TCF7L2: variants seen among roughly 807,000 people sequenced by gnomAD.
The protein encoded by TCF7L2 is transcription factor 7 like 2, also known as transcription factor 7-like 2.
Under a neutral mutation model 77.9 loss-of-function variants are expected in TCF7L2, and 23 were observed. The ratio of observed to expected loss-of-function variants is 0.30; its 90% CI spans 0.21 to 0.42. The LOEUF is 0.42. Ranked by LOEUF, TCF7L2 falls within the 10% of genes least tolerant of loss-of-function variation. The pLI, the probability that TCF7L2 is intolerant of heterozygous loss-of-function variation, is 1.00. For synonymous variants in TCF7L2, 413 were observed against 340.2 expected (o/e 1.21, Z -2.36); for missense variants, 654 against 793.1 (o/e 0.82, Z 2.11).
At chr10:113,080,789 C>T (rs373347389) in intron 5 of TCF7L2, among the ~76,000 whole-genome samples, 33 of 152,144 alleles carry the variant, frequency 2.2e-4, no homozygotes, top group African/African-American at 6.8e-4. Flanking sequence ...CGTTTGCACA[C>T]TTATTCAGTT....
At chr10:113,129,208 C>T (rs2066153016) in intron 5 of TCF7L2, 2 of 598,576 alleles carry the variant, frequency 3.3e-6, no homozygotes. Context: ...TTCCTCCTCC[C>T]TCCCCTCTCC....
At chr10:113,070,784 A>G (rs1326289287) in intron 5 of TCF7L2, among the ~76,000 whole-genome samples, 1 of 152,202 alleles carries the variant, frequency 6.6e-6, no homozygotes, top group African/African-American at 2.4e-5. Flanking sequence ...ACAGTTATTG[A>G]GATATAATTC....
intron 5 of TCF7L2, among the ~76,000 whole-genome samples, chr10:113,116,505 T>G (rs1005845841): frequency 5.9e-5 from 9 of 152,240 alleles, no homozygotes; most frequent in African/African-American, 2.2e-4. Context: ...ATATGTTAAA[T>G]ATCAAGTAGG....
At chr10:113,153,478 C>T (rs755489282) in intron 11 of TCF7L2, among the ~76,000 whole-genome samples, 5 of 152,214 alleles carry the variant, frequency 3.3e-5, no homozygotes, top group Non-Finnish European at 5.9e-5. Flanking sequence ...TTACTTTTGA[C>T]TCTCCCACTG....
In TCF7L2 at chr10:113,026,126, A is replaced by G. The variant is rs182177031; in HGVS notation, c.451-13899A>G. On this transcript the variant is annotated intron_variant, in intron 4 of 13. Coordinates refer to ENST00000627217, the MANE Select transcript of TCF7L2 (RefSeq NM_001146274.2). ...ACTCCTGACCTCAGGTGATCTAACC[A>G]CCTCGGCCTCCAGAAGTGCTGGGAT... is the stretch of plus-strand genomic sequence containing the variant. 2.5e-3 allele frequency among the ~76,000 whole-genome samples: 377 copies of G among 151,488 alleles called. 1 individual carries two copies. Among genetic ancestry groups the G allele is most frequent in the African/African-American group, 8.6e-3 (356 of 41,226 alleles).
chr10:113,114,298 A>G (rs2063471662), intron 5 of TCF7L2, among the ~76,000 whole-genome samples: 1 of 152,200 alleles, frequency 6.6e-6, no homozygotes, highest in African/African-American at 2.4e-5. Context: ...TGTCTTAAGA[A>G]CTTATTAGCA....
chr10:113,113,980 T>A (rs2063441982), intron 5 of TCF7L2, among the ~76,000 whole-genome samples: 1 of 152,202 alleles, frequency 6.6e-6, no homozygotes, highest in Non-Finnish European at 1.5e-5. Flanking sequence ...CTATCAGTTG[T>A]TACAGGTCAA....
chr10:113,152,213 G>C, intron 10 of TCF7L2, 120 bp from the exon 11 acceptor site: 5 of 941,410 alleles, frequency 5.3e-6, no homozygotes, highest in South Asian at 5.3e-5. Context: ...ACCATTTCTG[G>C]ACGGACTCAC....
chr10:112,970,294 G>T (rs1436150847), intron 4 of TCF7L2, among the ~76,000 whole-genome samples: 3 of 151,788 alleles, frequency 2.0e-5, no homozygotes, highest in African/African-American at 4.8e-5. Context: ...TGCAGTGGGG[G>T]TTACTTTCCC....
chr10:112,986,077 C>T (rs1454194877), intron 4 of TCF7L2, among the ~76,000 whole-genome samples: 2 of 151,802 alleles, frequency 1.3e-5, no homozygotes, highest in Non-Finnish European at 2.9e-5. Flanking sequence ...CCCGCTCCCA[C>T]CTTTACAGAA....
chr10:113,153,686 A>G (rs1427183699), intron 11 of TCF7L2, among the ~76,000 whole-genome samples: 2 of 152,200 alleles, frequency 1.3e-5, no homozygotes, highest in Non-Finnish European at 2.9e-5. Flanking sequence ...CATGTGACCC[A>G]ACCTAACTGC....
At chr10:113,160,043 G>A (rs777387166) in intron 12 of TCF7L2, 51 bp downstream of exon 14, 24 of 1,531,444 alleles carry the variant, frequency 1.6e-5, no homozygotes, top group Middle Eastern at 1.8e-4. Context: ...TGGTCTATTC[G>A]ATCCTCTCCC....
chr10:112,957,295 A>G (rs1416195978), intron 3 of TCF7L2, among the ~76,000 whole-genome samples: 13 of 132,688 alleles, frequency 9.8e-5, no homozygotes, highest in Non-Finnish European at 1.8e-4. Flanking sequence ...TCTTTAATTT[A>G]TATGATGTTC....
At chr10:113,146,553 A>G (rs889139192) in intron 8 of TCF7L2, among the ~76,000 whole-genome samples, 2 of 152,146 alleles carry the variant, frequency 1.3e-5, no homozygotes, top group Admixed American at 1.3e-4. Flanking sequence ...ACTGTCCAAT[A>G]GAAATATAGT....
At chr10:113,117,227 T>G (rs1428159368) in intron 5 of TCF7L2, among the ~76,000 whole-genome samples, 2 of 152,184 alleles carry the variant, frequency 1.3e-5, no homozygotes, top group African/African-American at 4.8e-5. Context: ...CATCCCTAAG[T>G]ATAACAAATT....
chr10:113,074,596 C>T (rs2058490554), intron 5 of TCF7L2, among the ~76,000 whole-genome samples: 1 of 152,194 alleles, frequency 6.6e-6, no homozygotes, highest in African/African-American at 2.4e-5. Context: ...GGGCTCATCA[C>T]ACATTGACAC....
chr10:113,092,984 C>T (rs549213110), intron 5 of TCF7L2, among the ~76,000 whole-genome samples: 2 of 152,260 alleles, frequency 1.3e-5, no homozygotes, highest in South Asian at 2.1e-4. Context: ...TGTGACTGGT[C>T]GTCAGAACTA....
intron 11 of TCF7L2, among the ~76,000 whole-genome samples, chr10:113,156,119 T>C (rs1461085932): frequency 1.8e-4 from 27 of 149,058 alleles, no homozygotes; most frequent in African/African-American, 5.2e-4. Context: ...TTCTTTCTTT[T>C]TTTTTTTTTT....
At chr10:112,987,441 A>G (rs892539542) in intron 4 of TCF7L2, 1 of 149,432 alleles carries the variant, frequency 6.7e-6, no homozygotes, top group African/African-American at 2.5e-5. Context: ...TTTCCCCCAA[A>G]TGCATTCAAA....
Sources: allele counts gnomAD v4.1 joint callset (sites outside exome capture counted in the v4.1 genomes callset), GRCh38; gene constraint gnomAD v4.1.1; transcripts MANE v1.5; gene names NCBI Gene and HGNC (gene_info 2026-07-23, HGNC 2026-07-21).